GLI3: variants seen among roughly 807,000 people sequenced by gnomAD.
The protein encoded by GLI3 is GLI family zinc finger 3.
GLI3 carries 20 observed loss-of-function variants against 100.8 expected under a neutral mutation model. The ratio of observed to expected loss-of-function variants is 0.20; its 90% CI spans 0.14 to 0.29. The LOEUF (loss-of-function observed/expected upper bound fraction) is 0.29. Among genes scored for constraint, GLI3 ranks in the 10% least tolerant of loss-of-function variants. GLI3 has a pLI of 1.00. For missense variants in GLI3, 2,040 were observed against 2,128.5 expected (o/e 0.96, Z 0.82); for synonymous variants, 938 against 860.5 (o/e 1.09, Z -1.58).
intron 3 of GLI3, among the ~76,000 whole-genome samples, chr7:42,089,500 A>G (rs753281496): frequency 8.5e-5 from 13 of 152,200 alleles, no homozygotes; most frequent in Non-Finnish European, 1.2e-4. Context: ...ATCACCCTCA[A>G]TATGAATCCT....
intron 10 of GLI3, among the ~76,000 whole-genome samples, chr7:42,014,735 G>C (rs1410151138): frequency 6.6e-6 from 1 of 152,020 alleles, no homozygotes; most frequent in Non-Finnish European, 1.5e-5. Context: ...TTACTCAAAG[G>C]GATAGCCCCC....
At chr7:41,976,770 A>G (rs1047011001) in intron 12 of GLI3, among the ~76,000 whole-genome samples, 2 of 152,222 alleles carry the variant, frequency 1.3e-5, no homozygotes, top group African/African-American at 4.8e-5. Flanking sequence ...TACATTCAAG[A>G]GAAGATTTCA....
chr7:42,176,870 C>A (rs1787490804), intron 2 of GLI3, among the ~76,000 whole-genome samples: 1 of 152,150 alleles, frequency 6.6e-6, no homozygotes, highest in Non-Finnish European at 1.5e-5. Context: ...CTTCCCTCTC[C>A]CCTCAGGCAC....
At chr7:42,141,588 G>A (rs567017993) in intron 3 of GLI3, among the ~76,000 whole-genome samples, 1 of 152,168 alleles carries the variant, frequency 6.6e-6, no homozygotes, top group South Asian at 2.1e-4. Context: ...AGGAGAATGG[G>A]TTGAACCTGG....
chr7:42,101,176 G>T lies in GLI3; in HGVS notation c.368-24319C>A, dbSNP rs116338271. ...ACAACCCTCAGAAGAGCTGAGAAGA[G>T]GAAAGCATGTGCAGTATGCCCATCG... On this transcript the variant is annotated intron_variant, in intron 3 of 14. Coordinates refer to ENST00000395925, the MANE Select transcript of GLI3 (RefSeq NM_000168.6). Among the ~76,000 whole-genome samples the T allele has an allele frequency of 9.8e-3, 1,489 of 152,298 alleles. 22 individuals carry two copies. Among genetic ancestry groups the T allele is most frequent in the African/African-American group, 0.033 (1,359 of 41,548 alleles).
At chr7:42,177,311 A>G (rs1787500775) in intron 2 of GLI3, among the ~76,000 whole-genome samples, 1 of 152,206 alleles carries the variant, frequency 6.6e-6, no homozygotes, top group Admixed American at 6.5e-5. Context: ...CACATATTCA[A>G]TGATCAAAAA....
intron 8 of GLI3, 109 bp downstream of exon 8, chr7:42,026,090 A>G (rs1372677236): frequency 4.0e-6 from 3 of 741,820 alleles, no homozygotes; most frequent in African/African-American, 3.5e-5. Flanking sequence ...ATGCTAGTAC[A>G]GAGGCTGTGA....
chr7:42,048,936 C>A (rs1784300503), intron 4 of GLI3, among the ~76,000 whole-genome samples: 1 of 152,028 alleles, frequency 6.6e-6, no homozygotes. Flanking sequence ...AACTTCATTG[C>A]ACTCCAAAAT....
At chr7:42,062,712 GACACAC>G (rs10523955) in intron 4 of GLI3, among the ~76,000 whole-genome samples, 182 of 149,714 alleles carry the variant, frequency 1.2e-3, no homozygotes, top group Non-Finnish European at 2.2e-3. Flanking sequence ...CACACACACA[GACACAC>G]ACACACACAC....
chr7:42,263,185 A>G (rs2088396212), intron 1 of GLI3, among the ~76,000 whole-genome samples: 1 of 152,164 alleles, frequency 6.6e-6, no homozygotes, highest in Admixed American at 6.5e-5. Context: ...AGTGCTTACT[A>G]TAGATACAAA....
chr7:42,257,354 C>CT (rs61449410), intron 1 of GLI3, among the ~76,000 whole-genome samples: 2,095 of 130,550 alleles, frequency 0.016, 26 homozygotes, highest in Non-Finnish European at 0.02. Flanking sequence ...ATCATTCAGT[C>CT]TTTTTTTTTT....
chr7:42,251,008 G>T (rs952702030), intron 1 of GLI3, among the ~76,000 whole-genome samples: 5 of 152,174 alleles, frequency 3.3e-5, no homozygotes, highest in Non-Finnish European at 7.4e-5. Flanking sequence ...ATGGTGGGGA[G>T]CTGGGGATTC....
intron 10 of GLI3, among the ~76,000 whole-genome samples, chr7:42,021,731 A>G (rs1350761212): frequency 6.6e-6 from 1 of 152,178 alleles, no homozygotes; most frequent in Non-Finnish European, 1.5e-5. Context: ...ATCCTCCAAA[A>G]CGGCACCATG....
At chr7:42,246,333 G>A (rs1319176720) in intron 1 of GLI3, among the ~76,000 whole-genome samples, 2 of 152,132 alleles carry the variant, frequency 1.3e-5, no homozygotes, top group Non-Finnish European at 2.9e-5. Context: ...TGTTCATAGG[G>A]TTCAGCCAAA....
rs1787006970 is a variant in GLI3, at chr7:41,961,352, C to G, written c.*2978G>C. ...ATGAAACCAGGATACAAGACAGCCT[C>G]GACTCTGCTACCACCGTGCGCTCTC... On this transcript the variant is annotated 3_prime_UTR_variant, in exon 15 of 15. Transcript: ENST00000395925. 6.6e-6 allele frequency: 1 copy of G among 152,602 alleles called. No individual in the cohort carries two copies. Among genetic ancestry groups the G allele is most frequent in the East Asian group, 1.9e-4 (1 of 5,170 alleles). The allele number at this position is 152,602 out of a possible 1,614,324, so 9.5% of individuals were successfully genotyped here. A position where few individuals can be genotyped will look rare whatever the true frequency, so the allele number is the denominator to read the frequency against.
intron 10 of GLI3, among the ~76,000 whole-genome samples, chr7:42,021,672 G>A (rs993779982): frequency 2.6e-5 from 4 of 152,160 alleles, no homozygotes; most frequent in African/African-American, 9.6e-5. Flanking sequence ...TTCCTGATTT[G>A]GTAATGACTG....
At chr7:42,084,639 A>T (rs1265613507) in intron 3 of GLI3, among the ~76,000 whole-genome samples, 1 of 152,248 alleles carries the variant, frequency 6.6e-6, no homozygotes, top group East Asian at 1.9e-4. Context: ...AAAGAGAAAT[A>T]AGGAAAGGTT....
intron 3 of GLI3, among the ~76,000 whole-genome samples, chr7:42,135,172 A>G (rs768206690): frequency 2.8e-4 from 42 of 152,316 alleles, no homozygotes; most frequent in Non-Finnish European, 5.3e-4. Flanking sequence ...TAAAATCTAG[A>G]ACGCTAAGGT....
chr7:42,188,556 A>G (rs367782212), intron 2 of GLI3, among the ~76,000 whole-genome samples: 1 of 152,220 alleles, frequency 6.6e-6, no homozygotes. Flanking sequence ...AACACACCAC[A>G]GAGATTATAG....
Sources: allele counts gnomAD v4.1 joint callset (sites outside exome capture counted in the v4.1 genomes callset), GRCh38; gene constraint gnomAD v4.1.1; transcripts MANE v1.5; gene names NCBI Gene and HGNC (gene_info 2026-07-23, HGNC 2026-07-21).